TENM2: variants seen among roughly 807,000 people sequenced by gnomAD.
The protein encoded by TENM2 is teneurin-2.
A neutral mutation model predicts 245.2 loss-of-function variants in TENM2; 52 were observed. The ratio of observed to expected loss-of-function variants is 0.21; its 90% CI spans 0.17 to 0.27. TENM2 has a LOEUF of 0.27. TENM2 is among the 10% of genes least tolerant of loss of function. TENM2 has a pLI of 1.00. For missense variants in TENM2, 3,046 were observed against 3,666.8 expected (o/e 0.83, Z 4.37); for synonymous variants, 1,363 against 1,438.9 (o/e 0.95, Z 1.19).
intron 2 of TENM2, among the ~76,000 whole-genome samples, chr5:167,479,719 T>C (rs1340345704): frequency 6.6e-6 from 1 of 152,220 alleles, no homozygotes; most frequent in Non-Finnish European, 1.5e-5. Flanking sequence ...TGCATTGTGG[T>C]AGCATATTTA....
intron 2 of TENM2, among the ~76,000 whole-genome samples, chr5:167,651,586 T>G (rs1196794917): frequency 4.6e-5 from 7 of 152,068 alleles, no homozygotes; most frequent in Non-Finnish European, 8.8e-5. Flanking sequence ...ACTCCACAAT[T>G]TAGTTTTTAC....
chr5:167,895,811 G>A (rs149879240), intron 3 of TENM2, among the ~76,000 whole-genome samples: 148 of 152,296 alleles, frequency 9.7e-4, no homozygotes, highest in African/African-American at 3.0e-3. Flanking sequence ...GTTATTAGAA[G>A]CTTAAGAAGC....
chr5:168,073,894 CT>C (rs1791237750), intron 7 of TENM2, among the ~76,000 whole-genome samples: 1 of 152,156 alleles, frequency 6.6e-6, no homozygotes. Flanking sequence ...TACTGAGCAC[CT>C]ATATGCGACA....
At chr5:167,017,870 G>A in the TENM2 span, among the ~76,000 whole-genome samples, 2 of 151,982 alleles carry the variant, frequency 1.3e-5, no homozygotes, top group Non-Finnish European at 2.9e-5. Context: ...TAACATTACC[G>A]TTGTCACGGA....
At chr5:167,320,591 T>C (rs1756653411) in intron 1 of TENM2, among the ~76,000 whole-genome samples, 2 of 152,172 alleles carry the variant, frequency 1.3e-5, no homozygotes, top group South Asian at 4.1e-4. Flanking sequence ...TTTTAAGGCA[T>C]GATTAAGTCA....
chr5:167,336,843 T>C (rs62388776), intron 1 of TENM2, among the ~76,000 whole-genome samples: 1 of 147,668 alleles, frequency 6.8e-6, no homozygotes, highest in African/African-American at 2.5e-5. Flanking sequence ...ATCGGCCGGG[T>C]GCGGTGGCTC....
chr5:167,076,760 T>A, the TENM2 span, among the ~76,000 whole-genome samples: 8 of 152,330 alleles, frequency 5.3e-5, no homozygotes, highest in South Asian at 1.4e-3. Flanking sequence ...AGCTCTTTTA[T>A]CCTTTTCATT....
At chr5:167,020,236 A>T in the TENM2 span, among the ~76,000 whole-genome samples, 2 of 152,162 alleles carry the variant, frequency 1.3e-5, no homozygotes, top group African/African-American at 2.4e-5. Context: ...GAGGAATTTT[A>T]CTCTCTGCAT....
intron 5 of TENM2, among the ~76,000 whole-genome samples, chr5:168,024,704 G>A (rs995368171): frequency 4.6e-5 from 7 of 152,154 alleles, no homozygotes; most frequent in African/African-American, 7.2e-5. Context: ...GTGTGATCAT[G>A]CATAGCTCTC....
At chr5:167,846,705 C>A (rs1770073423) in intron 2 of TENM2, among the ~76,000 whole-genome samples, 1 of 152,000 alleles carries the variant, frequency 6.6e-6, no homozygotes, top group South Asian at 2.1e-4. Context: ...ATAAACATTC[C>A]CAAGGCTGAG....
intron 2 of TENM2, among the ~76,000 whole-genome samples, chr5:167,628,360 G>T (rs188742841): frequency 6.6e-6 from 1 of 152,284 alleles, no homozygotes. Context: ...GTGACCCAGA[G>T]GCCACAGCAT....
At chr5:167,501,447 C>A (rs1485589552) in intron 2 of TENM2, among the ~76,000 whole-genome samples, 1 of 152,064 alleles carries the variant, frequency 6.6e-6, no homozygotes, top group African/African-American at 2.4e-5. Context: ...TTTGAGTGAC[C>A]CTTTCATGCT....
intron 2 of TENM2, among the ~76,000 whole-genome samples, chr5:167,552,533 G>A (rs537889235): frequency 4.6e-5 from 7 of 151,798 alleles, no homozygotes; most frequent in South Asian, 2.1e-4. Context: ...CCCCCAACCC[G>A]CCGCCCACAA....
intron 5 of TENM2, among the ~76,000 whole-genome samples, chr5:168,045,535 C>A (rs967956435): frequency 6.6e-6 from 1 of 152,122 alleles, no homozygotes; most frequent in Non-Finnish European, 1.5e-5. Flanking sequence ...AGGTTGTCAT[C>A]TTTGCCTGAT....
the TENM2 span, among the ~76,000 whole-genome samples, chr5:167,196,107 G>A: frequency 2.0e-5 from 3 of 152,064 alleles, no homozygotes; most frequent in Middle Eastern, 3.4e-3. Context: ...CACTACACAC[G>A]TAGGTTATAT....
intron 3 of TENM2, among the ~76,000 whole-genome samples, chr5:167,912,606 G>A (rs900675485): frequency 1.3e-5 from 2 of 152,128 alleles, no homozygotes; most frequent in Admixed American, 1.3e-4. Context: ...CAGACAATGA[G>A]CTCCTGAAGG....
chr5:168,225,510 C>T lies in TENM2; in HGVS notation c.5109-578C>T, dbSNP rs938413785. Among the ~76,000 whole-genome samples, 15 of 152,202 alleles carry T rather than the reference C, an allele frequency of 9.9e-5. 1 individual carries two copies. Among genetic ancestry groups the T allele is most frequent in the Middle Eastern group, 3.4e-3 (1 of 294 alleles). ...AGTGCGTGGCTCACGCCTGTAATTC[C>T]AGCACTTTGGGAGGCCAAGGCAGGT... On this transcript the variant is annotated intron_variant, in intron 23 of 28. Coordinates refer to ENST00000518659, the Ensembl canonical transcript of TENM2.
At chr5:167,830,706 A>C (rs552869064) in intron 2 of TENM2, among the ~76,000 whole-genome samples, 1 of 152,342 alleles carries the variant, frequency 6.6e-6, no homozygotes, top group African/African-American at 2.4e-5. Flanking sequence ...GAAGCAGTTA[A>C]GAAAACTATG....
intron 2 of TENM2, chr5:167,574,171 T>C (rs1774481525): frequency 6.6e-6 from 1 of 152,194 alleles, no homozygotes; most frequent in African/African-American, 2.4e-5. Context: ...TGTATTAATT[T>C]TGATGAATTA....
Sources: gnomAD v4.1 joint callset for allele counts (sites outside exome capture counted in the v4.1 genomes callset) on GRCh38, gnomAD v4.1.1 for gene constraint, MANE v1.5 for transcripts, NCBI Gene and HGNC (gene_info 2026-07-23, HGNC 2026-07-21) for gene names.